The following C2CD5 variants were observed in gnomAD, a reference collection of about 807,000 sequenced individuals.
The protein encoded by C2CD5 is C2 calcium dependent domain containing 5, also known as C2 domain-containing protein 5.
In C2CD5, 109 loss-of-function variants were observed where a neutral mutation model predicts 130.3. The ratio of observed to expected loss-of-function variants is 0.84; its 90% CI spans 0.72 to 0.98. The LOEUF is 0.98. Among genes scored for constraint, C2CD5 ranks in the 50% least tolerant of loss-of-function variants. The pLI is 0.00. For synonymous variants in C2CD5, 454 were observed against 429.2 expected, an observed-to-expected ratio of 1.06 and a Z score of -0.71; for missense variants, 996 against 1,261.8, an observed-to-expected ratio of 0.79 and a Z score of 3.19.
At chr12:22,536,230 C>T (rs1951806042) in intron 2 of C2CD5, among the ~76,000 whole-genome samples, 3 of 151,522 alleles carry the variant, frequency 2.0e-5, no homozygotes, top group Admixed American at 2.0e-4. Flanking sequence ...GAAATAGTAA[C>T]AATGGCCACT....
At chr12:22,472,516 G>T (rs570843029) in intron 17 of C2CD5, 169 bp from the exon 18 acceptor site, 66 of 598,860 alleles carry the variant, frequency 1.1e-4, no homozygotes, top group African/African-American at 1.1e-3. Context: ...ATTATCACAG[G>T]TTTTTTTTTC....
At chr12:22,460,022 T>G (rs1436322678) in intron 22 of C2CD5, among the ~76,000 whole-genome samples, 7 of 152,204 alleles carry the variant, frequency 4.6e-5, no homozygotes, top group Non-Finnish European at 7.3e-5. Flanking sequence ...GTCTTAACTC[T>G]CACCACCAAC....
Position 22,527,763 on chromosome 12 carries a change from T to C in C2CD5, c.307A>G (p.Thr103Ala), listed in dbSNP as rs371558934. 2.5e-5 allele frequency: 40 copies of C among 1,602,770 alleles called. No individual in the cohort carries two copies. The highest frequency in any genetic ancestry group is 3.2e-5 in the Non-Finnish European group (37 of 1,172,954). ...ATTGGAAACCATCCTGAGATGACTG[T>C]TGCAGCTTCACTATACAGTAAAGGA... ...IDPLLYSEAATVISGWFPIYD... is the reference protein window; with the variant it reads ...IDPLLYSEAAAVISGWFPIYD... Residue 103 changes from threonine to alanine, a missense_variant, in exon 4 of 27, where the codon ACA (threonine) becomes GCA (alanine). This residue lies in a region of C2CD5 where 68 missense variants were observed against 154.5 expected (regional missense o/e 0.44). Coordinates refer to ENST00000446597, the MANE Select transcript of C2CD5 (RefSeq NM_001286176.2).
chr12:22,453,247 G>C (rs1939088165), intron 26 of C2CD5, among the ~76,000 whole-genome samples: 1 of 152,092 alleles, frequency 6.6e-6, no homozygotes, highest in Non-Finnish European at 1.5e-5. Context: ...GCCACATACA[G>C]CTTCATGCAT....
At chr12:22,525,226 G>T (rs12311229) in intron 5 of C2CD5, among the ~76,000 whole-genome samples, 23,859 of 151,914 alleles carry the variant, frequency 0.16, 3,769 homozygotes, top group African/African-American at 0.41. Context: ...TACTGCAGGC[G>T]GGCTGTGATC....
chr12:22,480,296 C>G (rs1944519641), intron 14 of C2CD5, among the ~76,000 whole-genome samples: 1 of 152,140 alleles, frequency 6.6e-6, no homozygotes, highest in African/African-American at 2.4e-5. Context: ...TCACAGCACA[C>G]AGTTTCTCCT....
At chr12:22,522,352 T>C (rs760239857) in intron 7 of C2CD5, among the ~76,000 whole-genome samples, 51 of 152,162 alleles carry the variant, frequency 3.4e-4, no homozygotes, top group Non-Finnish European at 6.2e-4. Context: ...CCCTAATCAT[T>C]ATGACTGAAA....
chr12:22,514,916 T>C, intron 8 of C2CD5: 1 of 911,808 alleles, frequency 1.1e-6, no homozygotes, highest in Non-Finnish European at 1.3e-6. Flanking sequence ...TTTTACAGCA[T>C]GAAAAATAAA....
intron 14 of C2CD5, among the ~76,000 whole-genome samples, chr12:22,479,292 T>C (rs1348124687): frequency 6.6e-6 from 1 of 152,060 alleles, no homozygotes; most frequent in Non-Finnish European, 1.5e-5. Context: ...CAGGCTGGTC[T>C]CCAACTCCTG....
chr12:22,454,003 C>T lies in C2CD5; in HGVS notation c.2917G>A (p.Glu973Lys). The change falls in exon 26 of 27, where the codon GAA (glutamate) becomes AAA (lysine). Residue 973 changes from glutamate to lysine, a missense_variant. Glu to Lys is a moderately conservative substitution (Grantham distance 56). Transcript: ENST00000446597. Reference protein sequence around the residue: ...VSGFLHAFIAEVFAMVRAHVA... With the variant: ...VSGFLHAFIAKVFAMVRAHVA... ...TGAGCTCTCACCATTGCAAACACTTCAGCAATAAAAGCATGGAGAAAACCA... is the reference window on the plus strand; with the variant it reads ...TGAGCTCTCACCATTGCAAACACTTTAGCAATAAAAGCATGGAGAAAACCA... The T allele has an allele frequency of 1.2e-6, 2 of 1,613,592 alleles. No homozygotes were observed. Among genetic ancestry groups the T allele is most frequent in the Non-Finnish European group, 1.7e-6 (2 of 1,179,670 alleles).
rs1161295763 is a variant in C2CD5, at chr12:22,478,327, C to T, written c.1888G>A (p.Glu630Lys). 6.2e-7 allele frequency: 1 copy of T among 1,611,450 alleles called. No homozygotes were observed. The highest frequency in any genetic ancestry group is 1.7e-5 in the Admixed American group (1 of 59,956). Residue 630 changes from glutamate (E) to lysine (K), a missense_variant, in exon 15 of 27, where the codon GAA becomes AAA. Glu to Lys is a moderately conservative substitution (Grantham distance 56, BLOSUM62 1). Coordinates refer to ENST00000446597, the MANE Select transcript of C2CD5 (RefSeq NM_001286176.2). ...DTIAKNKELY[E>K]INPPEISEEI... ...GTTTTACTTACTGGAGGATTGATTT[C>T]ATATAACTCTTTGTTTTTAGCAATT... is the stretch of plus-strand genomic sequence containing the variant.
At chr12:22,525,308 G>C (rs1427917922) in intron 5 of C2CD5, among the ~76,000 whole-genome samples, 1 of 152,114 alleles carries the variant, frequency 6.6e-6, no homozygotes, top group Non-Finnish European at 1.5e-5. Context: ...AAAAGCCTGT[G>C]TATTTTGGGA....
Position 22,448,654 on chromosome 12 carries a change from A to G in C2CD5, c.*1106T>C, listed in dbSNP as rs1309578241. On this transcript the variant is annotated 3_prime_UTR_variant, in exon 27 of 27. Coordinates refer to ENST00000446597, the MANE Select transcript of C2CD5 (RefSeq NM_001286176.2). ...ATACAGAAAAATATTGACACCTGTG[A>G]TAACAAGGAAATGACTCTTAAGGGC... is the stretch of plus-strand genomic sequence containing the variant. 2 of 152,544 alleles carry G rather than the reference A, an allele frequency of 1.3e-5. No homozygotes were observed. Among genetic ancestry groups the G allele is most frequent in the Non-Finnish European group, 2.9e-5 (2 of 68,034 alleles). 9.4% of individuals were successfully genotyped at this position (152,544 alleles called of 1,614,324 possible).
chr12:22,458,731 T>C (rs999967139), intron 23 of C2CD5, 146 bp from the exon 24 acceptor site: 11 of 377,942 alleles, frequency 2.9e-5, no homozygotes, highest in Admixed American at 4.5e-5. Context: ...ATAAGAGAGA[T>C]AGTAAAGAGT....
In C2CD5 at chr12:22,449,348, C is replaced by T. The variant is rs1014989135; in HGVS notation, c.*412G>A. ...TTTTCTCCATTGTCCCCACACATTTCTCAAATCAGAGTGCTTACTCACTAG... is the reference window on the plus strand; with the variant it reads ...TTTTCTCCATTGTCCCCACACATTTTTCAAATCAGAGTGCTTACTCACTAG... On this transcript the variant is annotated 3_prime_UTR_variant, in exon 27 of 27. Transcript: ENST00000446597. The T allele has an allele frequency of 1.3e-5, 2 of 154,116 alleles. No individual in the cohort carries two copies. Among genetic ancestry groups the T allele is most frequent in the Admixed American group, 6.5e-5 (1 of 15,378 alleles). 9.5% of individuals were successfully genotyped at this position (154,116 alleles called of 1,614,324 possible). A position where few individuals can be genotyped will look rare whatever the true frequency, so the allele number is the denominator to read the frequency against.
chr12:22,474,930 T>A, intron 15 of C2CD5, 39 bp from the exon 16 acceptor site: 1 of 1,394,566 alleles, frequency 7.2e-7, no homozygotes, highest in African/African-American at 1.5e-5. Context: ...TATGAGATTG[T>A]CTTTTCCAGT....
chr12:22,463,923 T>A (rs1941626624), intron 22 of C2CD5: 7 of 152,180 alleles, frequency 4.6e-5, no homozygotes, highest in Admixed American at 4.6e-4. Flanking sequence ...ACATTCTCAG[T>A]TTTATTATGA....
In C2CD5 at chr12:22,479,418, C is replaced by CA. The variant is rs200919824; in HGVS notation, c.1738-942dup. On this transcript the variant is annotated intron_variant, in intron 14 of 26. Coordinates refer to ENST00000446597, the MANE Select transcript of C2CD5 (RefSeq NM_001286176.2). ...AATATATAATTAGAATTAAAAATAG[C>CA]AAAAAAAAAATTAAAGGTTGCTAAA... Among the ~76,000 whole-genome samples, 404 of 147,022 alleles carry CA rather than the reference C, an allele frequency of 2.7e-3. 5 individuals are homozygous for CA. Among genetic ancestry groups the CA allele is most frequent in the Middle Eastern group, 3.5e-3 (1 of 282 alleles).
intron 9 of C2CD5, among the ~76,000 whole-genome samples, chr12:22,508,558 G>C (rs1948837381): frequency 6.6e-6 from 1 of 152,102 alleles, no homozygotes; most frequent in Admixed American, 6.5e-5. Flanking sequence ...GAAGTTTTGA[G>C]TCATAAAAAT....
Sources: gnomAD v4.1 joint callset for allele counts (sites outside exome capture counted in the v4.1 genomes callset) on GRCh38, gnomAD v4.1.1 for gene constraint, gnomAD v4.1.1 regional missense constraint, MANE v1.5 for transcripts, NCBI Gene and HGNC (gene_info 2026-07-23, HGNC 2026-07-21) for gene names.